The following MIA2 variants were observed in gnomAD, a reference collection of about 807,000 sequenced individuals.
MIA2 encodes melanoma inhibitory activity protein 2.
MIA2 carries 127 observed loss-of-function variants against 167.8 expected under a neutral mutation model. The observed-to-expected ratio is 0.76, with a 90% CI of 0.66 to 0.88. The LOEUF (loss-of-function observed/expected upper bound fraction) is 0.88, where lower values mean the gene tolerates loss of function less well. Ranked by LOEUF, MIA2 falls within the 40% of genes least tolerant of loss-of-function variation. The pLI is 0.00. For synonymous variants in MIA2, 552 were observed against 541.9 expected, an observed-to-expected ratio of 1.02 and a Z score of -0.26; for missense variants, 1,690 against 1,624.7, an observed-to-expected ratio of 1.04 and a Z score of -0.69.
intron 3 of MIA2, among the ~76,000 whole-genome samples, chr14:39,243,285 C>T (rs188731998): frequency 7.9e-5 from 12 of 152,180 alleles, no homozygotes; most frequent in African/African-American, 1.4e-4. Context: ...AGAGGCAAGA[C>T]GATTTGGGCC....
downstream of MIA2, among the ~76,000 whole-genome samples, chr14:39,355,571 C>T (rs971370989): frequency 1.5e-4 from 23 of 152,202 alleles, no homozygotes; most frequent in Non-Finnish European, 1.8e-4. Flanking sequence ...TTGCCCTGGC[C>T]GGAACTTCGA....
chr14:39,283,608 C>G (rs1204390460), intron 9 of MIA2, among the ~76,000 whole-genome samples: 3 of 152,108 alleles, frequency 2.0e-5, no homozygotes, highest in Admixed American at 2.0e-4. Context: ...GGTAAACTTG[C>G]GTCCTGGGGG....
chr14:39,342,185 CG>C (rs2072056853), intron 25 of MIA2, among the ~76,000 whole-genome samples: 1 of 149,036 alleles, frequency 6.7e-6, no homozygotes, highest in African/African-American at 2.5e-5. Flanking sequence ...CAACAGTCCC[CG>C]GTGTGTGATG....
intron 6 of MIA2, among the ~76,000 whole-genome samples, chr14:39,260,486 T>C (rs1267207405): frequency 2.6e-5 from 4 of 152,374 alleles, no homozygotes; most frequent in African/African-American, 9.6e-5. Flanking sequence ...CATGTGGCTG[T>C]TGGCTGCATA....
chr14:39,322,763 TTTATC>T (rs1273521947), intron 24 of MIA2, among the ~76,000 whole-genome samples: 1 of 152,156 alleles, frequency 6.6e-6, no homozygotes, highest in Non-Finnish European at 1.5e-5. Context: ...CCTTTAAAGT[TTTATC>T]TTAATTTGTG....
intron 24 of MIA2, among the ~76,000 whole-genome samples, chr14:39,322,744 T>C (rs1338241984): frequency 6.6e-6 from 1 of 152,136 alleles, no homozygotes; most frequent in African/African-American, 2.4e-5. Flanking sequence ...ATACTTTCTT[T>C]GTCAAGTTCC....
At chr14:39,238,793 C>CAAAAGAAAAAAAAAAAAAAAAA (rs2053891720) in intron 2 of MIA2, among the ~76,000 whole-genome samples, 1 of 30,818 alleles carries the variant, frequency 3.2e-5, no homozygotes, top group Non-Finnish European at 5.0e-5. Flanking sequence ...GACCCTGTCT[C>CAAAAGAAAAAAAAAAAAAAAAA]AAAAAAAAAA....
At chr14:39,361,235 G>A (rs1021744482) in intron 23 of MIA2, among the ~76,000 whole-genome samples, 2 of 152,092 alleles carry the variant, frequency 1.3e-5, no homozygotes, top group African/African-American at 4.8e-5. Context: ...ATTGCTTTAG[G>A]TAATATGGAC....
chr14:39,305,711 G>A (rs538187910), intron 17 of MIA2, among the ~76,000 whole-genome samples: 1 of 152,300 alleles, frequency 6.6e-6, no homozygotes, highest in South Asian at 2.1e-4. Context: ...CAACGTGGGT[G>A]GATCACTTGA....
chr14:39,385,665 A>G, intron 23 of MIA2: 1 of 953,614 alleles, frequency 1.0e-6, no homozygotes, highest in African/African-American at 1.6e-5. Flanking sequence ...GCTTAAATGC[A>G]ATCTTTTCTT....
At chr14:39,238,537 G>T (rs556843038) in intron 2 of MIA2, among the ~76,000 whole-genome samples, 1 of 151,674 alleles carries the variant, frequency 6.6e-6, no homozygotes, top group Non-Finnish European at 1.5e-5. Flanking sequence ...GCTCATGCCT[G>T]TAATATCAGC....
chr14:39,308,008 C>A (rs1463839265), intron 17 of MIA2, among the ~76,000 whole-genome samples: 1 of 152,086 alleles, frequency 6.6e-6, no homozygotes, highest in Non-Finnish European at 1.5e-5. Flanking sequence ...ATAGGTGGAA[C>A]AATTTCTAAT....
At chr14:39,296,195 G>A (rs1334699486) in intron 13 of MIA2, among the ~76,000 whole-genome samples, 1 of 151,856 alleles carries the variant, frequency 6.6e-6, no homozygotes, top group Non-Finnish European at 1.5e-5. Context: ...GCCCTTTTGC[G>A]GTTAATTCTT....
rs187547775 is a variant in MIA2 at position 39,252,877 on chromosome 14, T to C, written c.1697T>C (p.Ile566Thr). ...ACCGAAGGGCCTGCTCTGGTGGAGA[T>C]AGACAGATCTGTGGAAAATACCCTG... ...VDTEGPALVE[I>T]DRSVENTLLN... Residue 566 changes from isoleucine (I) to threonine (T), a missense_variant, in exon 5 of 29, where the codon ATA becomes ACA. Ile to Thr is a moderately conservative substitution (Grantham distance 89). Coordinates refer to ENST00000640607, the MANE Select transcript of MIA2 (RefSeq NM_001329214.4). The C allele has an allele frequency of 9.9e-6, 16 of 1,613,932 alleles. No homozygotes were observed. In the Admixed American group the frequency reaches 1.7e-4, roughly 17 times the overall value.
chr14:39,355,600 G>A (rs1267994642), downstream of MIA2, among the ~76,000 whole-genome samples: 2 of 152,160 alleles, frequency 1.3e-5, no homozygotes, highest in Non-Finnish European at 1.5e-5. Flanking sequence ...TTGAATAGGA[G>A]TGGTGAGAGA....
In MIA2 at chr14:39,237,001, G is replaced by T; in HGVS notation, c.195G>T (p.Glu65Asp). Residue 65 changes from glutamate (E) to aspartate (D), a missense_variant, in exon 2 of 29, where the codon GAG becomes GAT. Physicochemically the swap from Glu to Asp is conservative, Grantham distance 45. Transcript: ENST00000640607. ...ACCTGAACTTCACTAAGGGAGAAGA[G>T]ATATCTGTTTATGTTAAACTTGCAG... ...CRYLNFTKGE[E>D]ISVYVKLAGE... 2 of 1,614,118 alleles carry T rather than the reference G, an allele frequency of 1.2e-6. No individual in the cohort carries two copies.
chr14:39,371,675 G>A (rs554918087), intron 23 of MIA2, among the ~76,000 whole-genome samples: 1 of 152,354 alleles, frequency 6.6e-6, no homozygotes, highest in Non-Finnish European at 1.5e-5. Context: ...GTTATACATT[G>A]TGTTAGGTTT....
intron 9 of MIA2, among the ~76,000 whole-genome samples, chr14:39,288,451 A>ATT (rs1566746956): frequency 0.054 from 474 of 8,782 alleles, 96 homozygotes; most frequent in Non-Finnish European, 0.066. Context: ...ATATATATAT[A>ATT]TATATATATA....
At chr14:39,353,879 AC>A (rs2074456295), downstream of MIA2, among the ~76,000 whole-genome samples, 1 of 152,192 alleles carries the variant, frequency 6.6e-6, no homozygotes. Context: ...CCATGTCCCT[AC>A]AAAGGACGTG....
Sources: allele counts gnomAD v4.1 joint callset (sites outside exome capture counted in the v4.1 genomes callset), GRCh38; gene constraint gnomAD v4.1.1; transcripts MANE v1.5; gene names NCBI Gene and HGNC (gene_info 2026-07-23, HGNC 2026-07-21).